LRP1B: variants seen among roughly 807,000 people sequenced by gnomAD.
LRP1B encodes low-density lipoprotein receptor-related protein 1B.
In LRP1B, 217 loss-of-function variants were observed where a neutral mutation model predicts 556.6. That is an observed-to-expected ratio of 0.39 (90% CI 0.35 to 0.44). LRP1B has a LOEUF of 0.44. Ranked by LOEUF, LRP1B falls within the 20% of genes least tolerant of loss-of-function variation. The probability of loss-of-function intolerance (pLI) is 1.00; values close to 1 mark genes in which losing one functional copy is unlikely to be tolerated. For missense variants in LRP1B, 5,053 were observed against 5,620.8 expected (o/e 0.90, Z 3.23); for synonymous variants, 2,047 against 1,865.8 (o/e 1.10, Z -2.50).
chr2:142,112,191 T>C (rs551790379), intron 1 of LRP1B, among the ~76,000 whole-genome samples: 13 of 152,170 alleles, frequency 8.5e-5, no homozygotes, highest in Middle Eastern at 3.4e-3. Flanking sequence ...GTCTAGGCGA[T>C]AGATCTAATA....
At position 141,229,301 on chromosome 2, in the gene LRP1B, T is replaced by C. The variant is rs765390572; in HGVS notation, c.732A>G (p.Glu244=). The C allele has an allele frequency of 1.2e-6, 2 of 1,612,650 alleles. No individual in the cohort carries two copies. The highest frequency in any genetic ancestry group is 2.2e-5 in the East Asian group (1 of 44,752). Residue 244 remains glutamate (E), a synonymous_variant, in exon 6 of 91, where the codon GAA becomes GAG. Coordinates refer to ENST00000389484, the MANE Select transcript of LRP1B (RefSeq NM_018557.3). ...EIHTLDFIYN[E]DMICWIESRE... ...TTGATTCAATCCAACAAATCATATC[T>C]TCATTATAAATAAAATCCAGAGTAT...
intron 35 of LRP1B, among the ~76,000 whole-genome samples, chr2:140,760,817 A>G (rs1435595091): frequency 6.6e-6 from 1 of 152,170 alleles, no homozygotes; most frequent in Non-Finnish European, 1.5e-5. Context: ...TGAACCCGGG[A>G]GGCGGAAGTT....
At chr2:140,443,465 G>A (rs1256823903) in intron 65 of LRP1B, among the ~76,000 whole-genome samples, 1 of 152,166 alleles carries the variant, frequency 6.6e-6, no homozygotes, top group Non-Finnish European at 1.5e-5. Flanking sequence ...TAACCATAAA[G>A]AACTGGTACT....
intron 1 of LRP1B, among the ~76,000 whole-genome samples, chr2:142,051,872 A>G (rs1704474206): frequency 6.6e-6 from 1 of 152,204 alleles, no homozygotes; most frequent in African/African-American, 2.4e-5. Flanking sequence ...TAAAATCATG[A>G]GTATATCACA....
Position 140,961,707 on chromosome 2 carries a change from C to T in LRP1B, c.2888-9767G>A, listed in dbSNP as rs183817566. ...AAGCATGTTTACATTATTGTTATCA[C>T]AATATAATATTATTTTCTATAAAGC... On this transcript the variant is annotated intron_variant, in intron 18 of 90. Coordinates refer to ENST00000389484, the MANE Select transcript of LRP1B (RefSeq NM_018557.3). 2.3e-3 allele frequency among the ~76,000 whole-genome samples: 350 copies of T among 152,068 alleles called. 2 individuals are homozygous for T. Among genetic ancestry groups the T allele is most frequent in the Admixed American group, 0.021 (315 of 15,274 alleles).
At chr2:140,436,758 A>G (rs1407091450) in intron 66 of LRP1B, among the ~76,000 whole-genome samples, 1 of 152,090 alleles carries the variant, frequency 6.6e-6, no homozygotes, top group African/African-American at 2.4e-5. Flanking sequence ...AAAGAAAAAA[A>G]GAAGGGAAAG....
chr2:140,706,445 A>G (rs1416246750), intron 37 of LRP1B, among the ~76,000 whole-genome samples: 1 of 152,172 alleles, frequency 6.6e-6, no homozygotes. Context: ...TATTTGTTAA[A>G]CTAAAAAATG....
chr2:141,600,573 G>A (rs1044385052), intron 2 of LRP1B, among the ~76,000 whole-genome samples: 3 of 151,538 alleles, frequency 2.0e-5, no homozygotes, highest in Non-Finnish European at 4.4e-5. Flanking sequence ...AACTGCAAAC[G>A]TAACCACCAT....
chr2:141,042,679 T>A (rs535745609), intron 11 of LRP1B, among the ~76,000 whole-genome samples: 3 of 152,168 alleles, frequency 2.0e-5, no homozygotes, highest in African/African-American at 7.2e-5. Flanking sequence ...CTCGGGGAGC[T>A]GTTGAGTGGA....
At chr2:140,897,515 C>T (rs116667236) in intron 23 of LRP1B, among the ~76,000 whole-genome samples, 1,835 of 152,166 alleles carry the variant, frequency 0.012, 39 homozygotes, top group East Asian at 0.095. Flanking sequence ...AGTATTGTTC[C>T]GGGGTGTGTC....
intron 3 of LRP1B, among the ~76,000 whole-genome samples, chr2:141,434,596 A>G (rs976569324): frequency 1.3e-5 from 2 of 152,096 alleles, no homozygotes; most frequent in East Asian, 1.9e-4. Flanking sequence ...GGGTCTGTCA[A>G]TGGCAGTTTT....
Position 141,441,418 on chromosome 2 carries a change from T to C in LRP1B, c.343+38978A>G, listed in dbSNP as rs985147638. The stretch of plus-strand genomic sequence containing the variant: ...TATGGGAATACCTGCTTGGCATTAC[T>C]GTTTTCCACTGATCCCTAAGGAATC... On this transcript the variant is annotated intron_variant, in intron 3 of 90. Coordinates refer to ENST00000389484, the MANE Select transcript of LRP1B (RefSeq NM_018557.3). Among the ~76,000 whole-genome samples, 3 of 152,308 alleles carry C rather than the reference T, an allele frequency of 2.0e-5. No homozygotes were observed. The South Asian group carries it at 6.2e-4, about 32-fold the overall frequency.
intron 11 of LRP1B, among the ~76,000 whole-genome samples, chr2:141,037,442 G>A (rs1698565814): frequency 6.6e-6 from 1 of 152,040 alleles, no homozygotes; most frequent in South Asian, 2.1e-4. Context: ...GCCTCTATGA[G>A]GACTTTGAAC....
At chr2:141,213,503 C>A (rs1682656013) in intron 6 of LRP1B, among the ~76,000 whole-genome samples, 1 of 152,116 alleles carries the variant, frequency 6.6e-6, no homozygotes, top group Non-Finnish European at 1.5e-5. Flanking sequence ...CACTTGTTAA[C>A]TAGTGGCACA....
intron 1 of LRP1B, among the ~76,000 whole-genome samples, chr2:141,908,448 A>G (rs990282594): frequency 6.6e-6 from 1 of 152,002 alleles, no homozygotes; most frequent in African/African-American, 2.4e-5. Context: ...TGGATCTCAC[A>G]CTGTAATTGT....
chr2:141,844,200 A>G (rs1697567192), intron 1 of LRP1B, among the ~76,000 whole-genome samples: 1 of 152,092 alleles, frequency 6.6e-6, no homozygotes, highest in Non-Finnish European at 1.5e-5. Context: ...CCAAACATCT[A>G]CTTACCTTCT....
chr2:141,867,604 A>G (rs1269830573), intron 1 of LRP1B, among the ~76,000 whole-genome samples: 1 of 152,124 alleles, frequency 6.6e-6, no homozygotes, highest in Non-Finnish European at 1.5e-5. Flanking sequence ...TGGCATTTAC[A>G]TTTTTATCAG....
chr2:140,729,641 A>C (rs2105494290), intron 35 of LRP1B, among the ~76,000 whole-genome samples: 1 of 152,314 alleles, frequency 6.6e-6, no homozygotes, highest in South Asian at 2.1e-4. Flanking sequence ...GGAGACACAG[A>C]AGTGACCAAG....
intron 82 of LRP1B, 22 bp downstream of exon 82, chr2:140,321,935 TATTTAC>T: frequency 6.3e-7 from 1 of 1,592,172 alleles, no homozygotes; most frequent in Non-Finnish European, 8.5e-7. Flanking sequence ...ATTAATTCAT[TATTTAC>T]AGAATAATAA....
Sources: gnomAD v4.1 joint callset for allele counts (sites outside exome capture counted in the v4.1 genomes callset) on GRCh38, gnomAD v4.1.1 for gene constraint, MANE v1.5 for transcripts, NCBI Gene and HGNC (gene_info 2026-07-23, HGNC 2026-07-21) for gene names.